Variants in UBTD2 observed in about 807,000 individuals in gnomAD.
UBTD2 encodes the protein ubiquitin domain containing 2, also known as ubiquitin domain-containing protein 2.
A neutral mutation model predicts 19.8 loss-of-function variants in UBTD2; 9 were observed. The ratio of observed to expected loss-of-function variants is 0.46; its 90% confidence interval spans 0.27 to 0.79. The LOEUF is 0.79. UBTD2 is among the 30% of genes least tolerant of loss of function. UBTD2 has a pLI of 0.14. For missense variants in UBTD2, 250 were observed against 300.4 expected (o/e 0.83, Z 1.24); for synonymous variants, 98 against 103.9 (o/e 0.94, Z 0.35).
chr5:172,247,837 C>T (rs988249641), intron 1 of UBTD2, among the ~76,000 whole-genome samples: 1 of 152,112 alleles, frequency 6.6e-6, no homozygotes, highest in Non-Finnish European at 1.5e-5. Context: ...CTAGACTTAA[C>T]TGACATAAAG....
chr5:172,281,548 A>G (rs1402900489), intron 1 of UBTD2, among the ~76,000 whole-genome samples: 1 of 152,108 alleles, frequency 6.6e-6, no homozygotes, highest in African/African-American at 2.4e-5. Flanking sequence ...ACTCACTACC[A>G]CAGTATGTTT....
rs1172610700 is a variant in UBTD2 at position 172,234,119 on chromosome 5, T to C, written c.307+3A>G. ...CTCTGTCCTTGAGGAACACCAAACC[T>C]ACCATGTGGTAATGTTATGTTTGCA... On this transcript the variant is annotated splice_donor_region_variant and intron_variant, in intron 2 of 2. Coordinates refer to ENST00000393792, the MANE Select transcript of UBTD2 (RefSeq NM_152277.3). The C allele has an allele frequency of 1.2e-6, 2 of 1,613,940 alleles. No individual in the cohort carries two copies. The highest frequency in any genetic ancestry group is 3.3e-5 in the Admixed American group (2 of 60,016).
At chr5:172,265,386 G>C (rs1443748935) in intron 1 of UBTD2, among the ~76,000 whole-genome samples, 1 of 152,142 alleles carries the variant, frequency 6.6e-6, no homozygotes, top group African/African-American at 2.4e-5. Context: ...GGCTGGTGGA[G>C]TGCAGTGGCA....
intron 1 of UBTD2, among the ~76,000 whole-genome samples, chr5:172,277,067 C>CAAAAAAAAAAAAAAAAA (rs56277139): frequency 1.5e-5 from 1 of 65,098 alleles, no homozygotes; most frequent in East Asian, 4.8e-4. Flanking sequence ...GACTCTGTCT[C>CAAAAAAAAAAAAAAAAA]AAAAAAAAAA....
At chr5:172,250,179 C>T (rs1481188182) in intron 1 of UBTD2, among the ~76,000 whole-genome samples, 1 of 152,132 alleles carries the variant, frequency 6.6e-6, no homozygotes, top group Non-Finnish European at 1.5e-5. Flanking sequence ...GCCGAGATAG[C>T]ACCACTGCAC....
At chr5:172,232,828 G>A (rs1318447418) in intron 2 of UBTD2, among the ~76,000 whole-genome samples, 1 of 152,066 alleles carries the variant, frequency 6.6e-6, no homozygotes, top group South Asian at 2.1e-4. Context: ...AGGCTGCAAT[G>A]AGCTGTCATC....
chr5:172,212,318 G>T, intron 2 of UBTD2, 91 bp from the exon 3 acceptor site: 1 of 1,377,150 alleles, frequency 7.3e-7, no homozygotes, highest in Non-Finnish European at 9.8e-7. Context: ...TCTCTTGCTA[G>T]CATGGCACTG....
At chr5:172,267,958 T>C (rs961738657) in intron 1 of UBTD2, among the ~76,000 whole-genome samples, 11 of 152,324 alleles carry the variant, frequency 7.2e-5, no homozygotes, top group African/African-American at 2.6e-4. Context: ...TACTATATGG[T>C]CCTATTTAAC....
chr5:172,277,067 C>CAAAAAAAAAA (rs56277139), intron 1 of UBTD2, among the ~76,000 whole-genome samples: 1 of 65,098 alleles, frequency 1.5e-5, no homozygotes, highest in African/African-American at 6.3e-5. Flanking sequence ...GACTCTGTCT[C>CAAAAAAAAAA]AAAAAAAAAA....
At chr5:172,279,908 C>G (rs1222317098) in intron 1 of UBTD2, among the ~76,000 whole-genome samples, 1 of 152,088 alleles carries the variant, frequency 6.6e-6, no homozygotes, top group Non-Finnish European at 1.5e-5. Flanking sequence ...TCAAGACCAG[C>G]CTGACCAACA....
chr5:172,218,695 G>A (rs373872402), intron 2 of UBTD2, among the ~76,000 whole-genome samples: 1 of 150,412 alleles, frequency 6.6e-6, no homozygotes, highest in South Asian at 2.1e-4. Context: ...TGAGGTGGGA[G>A]GATGCCTGTC....
At chr5:172,257,857 G>A (rs921758226) in intron 1 of UBTD2, among the ~76,000 whole-genome samples, 1 of 152,062 alleles carries the variant, frequency 6.6e-6, no homozygotes, top group African/African-American at 2.4e-5. Flanking sequence ...TTTTTTAATG[G>A]GGTTGTTTGC....
chr5:172,214,488 T>A (rs1012007396), intron 2 of UBTD2, among the ~76,000 whole-genome samples: 1 of 152,220 alleles, frequency 6.6e-6, no homozygotes, highest in African/African-American at 2.4e-5. Flanking sequence ...TTGTGATCAC[T>A]AGCAGTCCCT....
chr5:172,255,468 G>A (rs1386710219), intron 1 of UBTD2: 1 of 417,750 alleles, frequency 2.4e-6, no homozygotes, highest in African/African-American at 2.1e-5. Flanking sequence ...TCTGGTGTTT[G>A]GCTTTGAGAG....
intron 1 of UBTD2, among the ~76,000 whole-genome samples, chr5:172,267,602 G>A (rs1348585381): frequency 2.0e-5 from 3 of 152,168 alleles, no homozygotes; most frequent in Non-Finnish European, 4.4e-5. Context: ...TTGACATGAC[G>A]TGTTTAACTT....
chr5:172,254,740 A>ATCCCC, intron 1 of UBTD2: 1 of 287,896 alleles, frequency 3.5e-6, no homozygotes, highest in Non-Finnish European at 6.5e-6. Context: ...GTGGGGGGGA[A>ATCCCC]CACTGAGTTC....
chr5:172,264,104 A>T (rs974209527), intron 1 of UBTD2, among the ~76,000 whole-genome samples: 1 of 152,126 alleles, frequency 6.6e-6, no homozygotes, highest in African/African-American at 2.4e-5. Context: ...TTTTTGAAAC[A>T]GGGTCTTGCC....
At chr5:172,247,287 AT>A (rs1304112770) in intron 1 of UBTD2, among the ~76,000 whole-genome samples, 1 of 152,096 alleles carries the variant, frequency 6.6e-6, no homozygotes, top group Non-Finnish European at 1.5e-5. Flanking sequence ...AAAAAAGTCA[AT>A]TCACCAAGAA....
chr5:172,220,501 G>C (rs190984977), intron 2 of UBTD2, among the ~76,000 whole-genome samples: 28 of 152,316 alleles, frequency 1.8e-4, no homozygotes, highest in African/African-American at 6.5e-4. Flanking sequence ...CGAGCGTGGT[G>C]GCACATGCCT....
Sources: allele counts gnomAD v4.1 joint callset (sites outside exome capture counted in the v4.1 genomes callset), GRCh38; gene constraint gnomAD v4.1.1; transcripts MANE v1.5; gene names NCBI Gene and HGNC (gene_info 2026-07-23, HGNC 2026-07-21).